AGAP1: variants seen among roughly 807,000 people sequenced by gnomAD.
AGAP1 encodes the protein arf-GAP with GTPase, ANK repeat and PH domain-containing protein 1.
In AGAP1, 29 loss-of-function variants were observed where a neutral mutation model predicts 105.3. The observed-to-expected ratio is 0.28, with a 90% CI of 0.21 to 0.38. AGAP1 has a LOEUF of 0.38. Ranked by LOEUF, AGAP1 falls within the 10% of genes least tolerant of loss-of-function variation. The pLI is 1.00. For synonymous variants in AGAP1, 509 were observed against 485.9 expected (o/e 1.05, Z -0.63); for missense variants, 998 against 1,165.1 (o/e 0.86, Z 2.09).
intron 6 of AGAP1, among the ~76,000 whole-genome samples, chr2:235,786,579 C>T (rs1956651128): frequency 6.6e-6 from 1 of 152,130 alleles, no homozygotes. Context: ...ACACTCAGCT[C>T]TCTAAGAGAT....
At chr2:235,707,966 C>T (rs550464341) in intron 1 of AGAP1, among the ~76,000 whole-genome samples, 12 of 151,910 alleles carry the variant, frequency 7.9e-5, no homozygotes, top group Admixed American at 1.3e-4. Flanking sequence ...TGCTCCCCAT[C>T]GTGTGACCTG....
chr2:235,708,437 G>A (rs968983777), intron 1 of AGAP1, among the ~76,000 whole-genome samples: 6 of 152,174 alleles, frequency 3.9e-5, no homozygotes, highest in Non-Finnish European at 7.3e-5. Flanking sequence ...TCTGTATCGG[G>A]TGGGTGCACT....
At position 235,686,636 on chromosome 2, in the gene AGAP1, TATATATATAGATATATATATATATA is replaced by T. The variant is rs1377187613; in HGVS notation, c.164-22542_164-22518del. ...GGAGATATAGATATATATATATATA[TATATATATAGATATATATATATATA>T]TATATTTTTTTTTTTTTTTAGACAG... On this transcript the variant is annotated intron_variant, in intron 1 of 17. Transcript: ENST00000304032. Among the ~76,000 whole-genome samples the T allele has an allele frequency of 5.3e-3, 272 of 50,914 alleles. 4 individuals are homozygous for T. Among genetic ancestry groups the T allele is most frequent in the African/African-American group, 0.026 (248 of 9,566 alleles). 33.4% of individuals were successfully genotyped at this position (50,914 alleles called of 152,430 possible). A position where few individuals can be genotyped will look rare whatever the true frequency, so the allele number is the denominator to read the frequency against.
intron 1 of AGAP1, among the ~76,000 whole-genome samples, chr2:235,583,271 C>T (rs913181261): frequency 6.6e-6 from 1 of 152,078 alleles, no homozygotes; most frequent in Non-Finnish European, 1.5e-5. Flanking sequence ...ACATGTCTTA[C>T]TGCGGCCTTG....
chr2:235,768,579 C>T (rs942176330), intron 6 of AGAP1, among the ~76,000 whole-genome samples: 3 of 152,238 alleles, frequency 2.0e-5, no homozygotes, highest in African/African-American at 7.2e-5. Context: ...GTTTTACCAT[C>T]CTCTAAGATG....
intron 1 of AGAP1, among the ~76,000 whole-genome samples, chr2:235,589,500 C>G (rs114904172): frequency 0.025 from 3,818 of 152,188 alleles, 161 homozygotes; most frequent in African/African-American, 0.088. Flanking sequence ...AGCCACCGCG[C>G]CAGTGCTGGT....
At position 236,076,700 on chromosome 2, in the gene AGAP1, C is replaced by T. The variant is rs1021630287; in HGVS notation, c.2114+27419C>T. Among the ~76,000 whole-genome samples the T allele has an allele frequency of 7.9e-5, 12 of 152,174 alleles. No individual in the cohort carries two copies. In the South Asian group the frequency reaches 2.1e-3, roughly 26 times the overall value. ...TGTGGCACTTAATAATTTCCCAAACCACTAAAGAGGGAAGCCCCAGCGCTA... is the reference window on the plus strand; with the variant it reads ...TGTGGCACTTAATAATTTCCCAAACTACTAAAGAGGGAAGCCCCAGCGCTA... On this transcript the variant is annotated intron_variant, in intron 16 of 17. Transcript: ENST00000304032. The surrounding 1 kb of genome is among the most constrained non-coding windows in gnomAD (Gnocchi z 4.4).
chr2:235,888,550 A>C lies in AGAP1; in HGVS notation c.1155+5101A>C, dbSNP rs780117756. On this transcript the variant is annotated intron_variant, in intron 10 of 17. Coordinates refer to ENST00000304032, the MANE Select transcript of AGAP1 (RefSeq NM_001037131.3). This position sits in a 1 kb window ranked among gnomAD's most constrained non-coding sequence, Gnocchi z 4.8. ...GAGACCCCATCTCTACAACAAATAA[A>C]AAAGTGAGCCAGGTGTGGTGGAGCA... Among the ~76,000 whole-genome samples, 3 of 152,072 alleles carry C rather than the reference A, an allele frequency of 2.0e-5. No individual in the cohort carries two copies. The highest frequency in any genetic ancestry group is 2.9e-5 in the Non-Finnish European group (2 of 67,996).
chr2:235,598,974 T>A (rs982979128), intron 1 of AGAP1, among the ~76,000 whole-genome samples: 1 of 152,146 alleles, frequency 6.6e-6, no homozygotes, highest in African/African-American at 2.4e-5. Context: ...GGCAGATGAG[T>A]GGGAGCCTGT....
intron 1 of AGAP1, among the ~76,000 whole-genome samples, chr2:235,630,054 C>T (rs1023860691): frequency 6.6e-6 from 1 of 151,836 alleles, no homozygotes; most frequent in African/African-American, 2.4e-5. Context: ...TTTTTTCCAG[C>T]AGGATGGAAA....
intron 2 of AGAP1, among the ~76,000 whole-genome samples, chr2:235,713,928 G>A (rs1371459262): frequency 6.6e-6 from 1 of 152,176 alleles, no homozygotes; most frequent in African/African-American, 2.4e-5. Context: ...TCTTCTACAA[G>A]GGCGCTAATC....
chr2:235,499,132 C>T (rs1047392870), intron 1 of AGAP1, among the ~76,000 whole-genome samples: 2 of 152,196 alleles, frequency 1.3e-5, no homozygotes, highest in African/African-American at 4.8e-5. Flanking sequence ...GAGCGGTGAG[C>T]TGGGCCCGTC....
rs76768023 is a variant in AGAP1 at position 235,842,442 on chromosome 2, G to A, written c.1050+35111G>A. 0.059 allele frequency among the ~76,000 whole-genome samples: 8,908 copies of A among 152,236 alleles called. 844 individuals are homozygous for A. Among genetic ancestry groups the A allele is most frequent in the African/African-American group, 0.2 (8,261 of 41,488 alleles). On this transcript the variant is annotated intron_variant, in intron 9 of 17. Coordinates refer to ENST00000304032, the MANE Select transcript of AGAP1 (RefSeq NM_001037131.3). The surrounding 1 kb of genome is among the most constrained non-coding windows in gnomAD (Gnocchi z 5.3). The stretch of plus-strand genomic sequence containing the variant: ...GAATAGGTTGTTTTCTCTGGTCACC[G>A]TTTGGCAATGGAAGGTACTAGGTCT...
chr2:235,566,185 G>A lies in AGAP1; in HGVS notation c.163+71336G>A, dbSNP rs1404590821. Among the ~76,000 whole-genome samples the A allele has an allele frequency of 1.3e-5, 2 of 151,876 alleles. No homozygotes were observed. The highest frequency in any genetic ancestry group is 2.4e-5 in the African/African-American group (1 of 41,418). The stretch of plus-strand genomic sequence containing the variant: ...CGGCTCACTGCAACCTCTGCCTCCC[G>A]GATTCAAGTGATTCTGCTCCCTCAG... On this transcript the variant is annotated intron_variant, in intron 1 of 17. Coordinates refer to ENST00000304032, the MANE Select transcript of AGAP1 (RefSeq NM_001037131.3). This position sits in a 1 kb window ranked among gnomAD's most constrained non-coding sequence, Gnocchi z 5.2.
At chr2:235,996,006 G>C (rs2125480212) in intron 13 of AGAP1, among the ~76,000 whole-genome samples, 1 of 152,298 alleles carries the variant, frequency 6.6e-6, no homozygotes, top group South Asian at 2.1e-4. Context: ...AGCTGTTCCT[G>C]ATTTGGATGT....
At chr2:235,996,949 G>C (rs751676698) in intron 13 of AGAP1, among the ~76,000 whole-genome samples, 8 of 152,120 alleles carry the variant, frequency 5.3e-5, no homozygotes, top group Non-Finnish European at 4.4e-5. Flanking sequence ...AAGTGTAGGA[G>C]AAGAAAAAAA....
chr2:235,920,041 G>A (rs770413698), intron 11 of AGAP1, among the ~76,000 whole-genome samples: 1 of 152,130 alleles, frequency 6.6e-6, no homozygotes, highest in East Asian at 1.9e-4. Context: ...AAGACTCCAC[G>A]TTTTAGGAAG....
chr2:235,962,994 G>GT lies in AGAP1; in HGVS notation c.1484-5468_1484-5467insT. 6.6e-6 allele frequency among the ~76,000 whole-genome samples: 1 copy of GT among 152,120 alleles called. No homozygotes were observed. Among genetic ancestry groups the GT allele is most frequent in the South Asian group, 2.1e-4 (1 of 4,822 alleles). On this transcript the variant is annotated intron_variant, in intron 12 of 17. Transcript: ENST00000304032. This position sits in a 1 kb window ranked among gnomAD's most constrained non-coding sequence, Gnocchi z 5.3. ...GATCTGTGGGAATCCAGAGTCCCAT[G>GT]GGGCTAGAAGTGCTCGTGTGGAAGG...
At position 235,557,706 on chromosome 2, in the gene AGAP1, G is replaced by C. The variant is rs930401712; in HGVS notation, c.163+62857G>C. On this transcript the variant is annotated intron_variant, in intron 1 of 17. Transcript: ENST00000304032. This position sits in a 1 kb window ranked among gnomAD's most constrained non-coding sequence, Gnocchi z 4.7. ...CGAGGAACTTGCTGTGGTACACCCA[G>C]ACAGCCTGACCCCAGAGTGGGCACT... is the stretch of plus-strand genomic sequence containing the variant. Among the ~76,000 whole-genome samples the C allele has an allele frequency of 6.6e-6, 1 of 152,176 alleles. No individual in the cohort carries two copies. The highest frequency in any genetic ancestry group is 2.4e-5 in the African/African-American group (1 of 41,444).
Sources: gnomAD v4.1 joint callset for allele counts (sites outside exome capture counted in the v4.1 genomes callset) on GRCh38, gnomAD v4.1.1 for gene constraint, Gnocchi (gnomAD v3.1) non-coding constraint, MANE v1.5 for transcripts, NCBI Gene and HGNC (gene_info 2026-07-23, HGNC 2026-07-21) for gene names.